Variants in STRN3 observed in about 807,000 individuals in gnomAD.
The protein encoded by STRN3 is striatin 3, also known as striatin-3.
In STRN3, 29 loss-of-function variants were observed where a neutral mutation model predicts 95.6. That is an observed-to-expected ratio of 0.30 (90% CI 0.23 to 0.41). STRN3 has a LOEUF of 0.41. STRN3 is among the 10% of genes least tolerant of loss of function. STRN3 has a pLI of 1.00. For synonymous variants in STRN3, 331 were observed against 357.6 expected (o/e 0.93, Z 0.84); for missense variants, 890 against 972.1 (o/e 0.92, Z 1.12).
intron 1 of STRN3, among the ~76,000 whole-genome samples, chr14:30,981,604 A>ACACACACACC (rs1555323899): frequency 6.6e-6 from 1 of 151,498 alleles, no homozygotes; most frequent in Non-Finnish European, 1.5e-5. Context: ...ACACACACAC[A>ACACACACACC]CACCCCATAA....
intron 1 of STRN3, among the ~76,000 whole-genome samples, chr14:31,006,772 T>A (rs1882737790): frequency 6.6e-6 from 1 of 152,006 alleles, no homozygotes. Flanking sequence ...GCATCAAACC[T>A]TTTGAAAGAG....
At chr14:30,944,616 T>C (rs1879271272) in intron 5 of STRN3, among the ~76,000 whole-genome samples, 1 of 105,036 alleles carries the variant, frequency 9.5e-6, no homozygotes, top group Non-Finnish European at 1.8e-5. Flanking sequence ...CACATATATA[T>C]ACACATTTTT....
chr14:30,915,370 A>G (rs559266692), intron 9 of STRN3, among the ~76,000 whole-genome samples: 1 of 152,252 alleles, frequency 6.6e-6, no homozygotes, highest in East Asian at 1.9e-4. Flanking sequence ...ATCTGACTCA[A>G]ATAGGGCTCT....
chr14:30,906,818 T>C, intron 14 of STRN3, 59 bp downstream of exon 14: 1 of 1,505,506 alleles, frequency 6.6e-7, no homozygotes, highest in Non-Finnish European at 9.0e-7. Context: ...ACTTTGTCCT[T>C]TATATATTCC....
intron 16 of STRN3, 29 bp downstream of exon 16, chr14:30,902,507 C>T (rs765837940): frequency 4.2e-6 from 6 of 1,417,776 alleles, no homozygotes; most frequent in Non-Finnish European, 5.9e-6. Context: ...TACAGTATTA[C>T]TAATATGAAA....
intron 3 of STRN3, among the ~76,000 whole-genome samples, chr14:30,952,835 A>G (rs988852485): frequency 2.6e-4 from 40 of 152,222 alleles, no homozygotes; most frequent in African/African-American, 9.6e-4. Context: ...CATATAACAC[A>G]TAATCACTGG....
Position 30,919,026 on chromosome 14 carries a change from T to C in STRN3, c.1180A>G (p.Asn394Asp). The C allele has an allele frequency of 6.2e-7, 1 of 1,612,510 alleles. No individual in the cohort carries two copies. The highest frequency in any genetic ancestry group is 8.5e-7 in the Non-Finnish European group (1 of 1,179,044). The change falls in exon 9 of 18, where the codon AAT becomes GAT. Residue 394 changes from asparagine (N) to aspartate (D), a missense_variant. Asn to Asp is a conservative substitution (Grantham distance 23, BLOSUM62 1). This residue lies in a region of STRN3 where 526 missense variants were observed against 526.3 expected (regional missense o/e 1.00). Transcript: ENST00000357479. ...CTAGTAGAGGCTGACCTAGACTGAT[T>C]AATGATTCCTGAAGGGATGTGGGGC... ...ELPHIPSGII[N>D]QSRSASTRMT... is the part of the protein sequence containing the mutation.
At chr14:30,917,376 G>A (rs754654434) in intron 9 of STRN3, among the ~76,000 whole-genome samples, 2 of 151,984 alleles carry the variant, frequency 1.3e-5, no homozygotes, top group Non-Finnish European at 2.9e-5. Context: ...GGCTTTTTCC[G>A]TTAAGTCATT....
Position 30,971,764 on chromosome 14 carries a change from G to A in STRN3, c.283-15522C>T, listed in dbSNP as rs117507403. Among the ~76,000 whole-genome samples the A allele has an allele frequency of 6.2e-4, 94 of 152,078 alleles. 5 individuals carry two copies. The East Asian group carries it at 0.017, about 28-fold the overall frequency. ...GGGGTAAATGACCCCTTTACAGGAT[G>A]GCTAAAAAAAAAGTAGTTCGGTAAA... On this transcript the variant is annotated intron_variant, in intron 1 of 17. Transcript: ENST00000357479.
intron 1 of STRN3, among the ~76,000 whole-genome samples, chr14:31,000,440 G>A (rs1008468522): frequency 2.6e-5 from 4 of 151,172 alleles, no homozygotes; most frequent in African/African-American, 4.9e-5. Context: ...AATTAAAATG[G>A]GTATTAATCC....
At chr14:30,900,520 G>A (rs1476093851) in intron 16 of STRN3, among the ~76,000 whole-genome samples, 2 of 151,734 alleles carry the variant, frequency 1.3e-5, no homozygotes, top group African/African-American at 4.8e-5. Flanking sequence ...AGACTGAGGC[G>A]GGTAGATCAC....
At position 30,895,078 on chromosome 14, in the gene STRN3, A is replaced by G. The variant is rs1896101729; in HGVS notation, c.*333T>C. 5.4e-6 allele frequency: 1 copy of G among 184,894 alleles called. No individual in the cohort carries two copies. The highest frequency in any genetic ancestry group is 9.3e-6 in the Non-Finnish European group (1 of 108,012). The allele number at this position is 184,894 out of a possible 1,614,324, so 11.5% of individuals were successfully genotyped here. A position where few individuals can be genotyped will look rare whatever the true frequency, so the allele number is the denominator to read the frequency against. ...CAAAAAAAAAAAAAAAAAAAAAAAAAAGAAGAAGAAGAAGAGAAAAAAAAA... is the reference window on the plus strand; with the variant it reads ...CAAAAAAAAAAAAAAAAAAAAAAAAGAGAAGAAGAAGAAGAGAAAAAAAAA... On this transcript the variant is annotated 3_prime_UTR_variant, in exon 18 of 18. Coordinates refer to ENST00000357479, the MANE Select transcript of STRN3 (RefSeq NM_001083893.2).
intron 9 of STRN3, among the ~76,000 whole-genome samples, chr14:30,918,078 C>G (rs931031918): frequency 2.6e-5 from 4 of 152,064 alleles, no homozygotes; most frequent in African/African-American, 9.7e-5. Flanking sequence ...CTACACATTT[C>G]TGGTTTAGGC....
At chr14:31,015,633 A>T (rs1285012070) in intron 1 of STRN3, among the ~76,000 whole-genome samples, 1 of 152,194 alleles carries the variant, frequency 6.6e-6, no homozygotes, top group East Asian at 1.9e-4. Context: ...TTGGCCTCCC[A>T]AAGTGCTGGG....
At chr14:30,896,767 A>T (rs557966715) in intron 16 of STRN3, among the ~76,000 whole-genome samples, 31 of 152,354 alleles carry the variant, frequency 2.0e-4, no homozygotes, top group African/African-American at 7.0e-4. Context: ...GAAAGGAGTA[A>T]ACAAATTACT....
At chr14:30,956,874 T>C (rs1404685717) in intron 1 of STRN3, among the ~76,000 whole-genome samples, 2 of 152,204 alleles carry the variant, frequency 1.3e-5, no homozygotes, top group African/African-American at 4.8e-5. Flanking sequence ...AAATTTATAA[T>C]CTGAGCTAGG....
intron 1 of STRN3, among the ~76,000 whole-genome samples, chr14:30,970,171 AC>A (rs961283647): frequency 1.3e-5 from 2 of 152,146 alleles, no homozygotes; most frequent in African/African-American, 4.8e-5. Context: ...GCCCTGTTAT[AC>A]CCTGTGGGGA....
intron 7 of STRN3, among the ~76,000 whole-genome samples, chr14:30,930,074 A>G (rs1258889252): frequency 6.6e-6 from 1 of 151,944 alleles, no homozygotes; most frequent in Non-Finnish European, 1.5e-5. Context: ...ATTGCTGTAC[A>G]ACTGCTAAAG....
At chr14:30,952,692 T>C (rs1274249406) in intron 3 of STRN3, among the ~76,000 whole-genome samples, 1 of 151,906 alleles carries the variant, frequency 6.6e-6, no homozygotes, top group South Asian at 2.1e-4. Context: ...AGAGCAAGAC[T>C]CTGTCTCAAA....
Sources: gnomAD v4.1 joint callset for allele counts (sites outside exome capture counted in the v4.1 genomes callset) on GRCh38, gnomAD v4.1.1 for gene constraint, gnomAD v4.1.1 regional missense constraint, MANE v1.5 for transcripts, NCBI Gene and HGNC (gene_info 2026-07-23, HGNC 2026-07-21) for gene names.